PCDH11X: variants seen among roughly 807,000 people sequenced by gnomAD.
The protein encoded by PCDH11X is protocadherin 11 X-linked.
PCDH11X carries 18 observed loss-of-function variants against 53.3 expected under a neutral mutation model. The ratio of observed to expected loss-of-function variants is 0.34; its 90% CI spans 0.23 to 0.50. The LOEUF is 0.50. PCDH11X is among the 20% of genes least tolerant of loss of function. The pLI is 0.98. For synonymous variants in PCDH11X, 279 were observed against 393.3 expected, an observed-to-expected ratio of 0.71 and a Z score of 3.44; for missense variants, 570 against 1,032.4, an observed-to-expected ratio of 0.55 and a Z score of 6.14.
Position 92,073,673 on chromosome X carries a change from AG to A in PCDH11X, c.3034-127700del, listed in dbSNP as rs756333343. Among the ~76,000 whole-genome samples the A allele has an allele frequency of 8.0e-5, 9 of 112,560 alleles. No individual in the cohort carries two copies. In the East Asian group the frequency reaches 2.5e-3, roughly 32 times the overall value. ...ATGCAGGATAGATTTTCAGATGAATAGGTAACTGATGGTCATTGTTGAATGG... is the reference window on the plus strand; with the variant it reads ...ATGCAGGATAGATTTTCAGATGAATAGTAACTGATGGTCATTGTTGAATGG... On this transcript the variant is annotated intron_variant, in intron 6 of 10. Coordinates refer to ENST00000682573, the MANE Select transcript of PCDH11X (RefSeq NM_032968.5).
intron 9 of PCDH11X, among the ~76,000 whole-genome samples, chrX:92,443,996 A>G (rs2072572959): frequency 9.0e-6 from 1 of 110,663 alleles, no homozygotes; most frequent in Non-Finnish European, 1.9e-5. Context: ...AGCTTAACAT[A>G]GCTTTTGCTA....
chrX:92,463,023 T>C (rs1356142998), intron 9 of PCDH11X, among the ~76,000 whole-genome samples: 8 of 109,697 alleles, frequency 7.3e-5, no homozygotes, highest in Non-Finnish European at 3.8e-5. Flanking sequence ...AGAATTATTC[T>C]TTTAATTTTA....
chrX:92,598,267 A>G lies in PCDH11X; in HGVS notation c.3368-19997A>G, dbSNP rs188580962. Among the ~76,000 whole-genome samples, 21 of 111,013 alleles carry G rather than the reference A, an allele frequency of 1.9e-4. No individual in the cohort carries two copies. In the East Asian group the frequency reaches 6.0e-3, roughly 32 times the overall value. On this transcript the variant is annotated intron_variant, in intron 10 of 10. Coordinates refer to ENST00000682573, the MANE Select transcript of PCDH11X (RefSeq NM_032968.5). ...AGAGACAACCCACAGAATGGAAGAA[A>G]ATATTTGCAAATTACCCCCCAGACA...
intron 6 of PCDH11X, among the ~76,000 whole-genome samples, chrX:92,171,920 G>C (rs1356466506): frequency 9.0e-6 from 1 of 111,651 alleles, no homozygotes; most frequent in Non-Finnish European, 1.9e-5. Context: ...CAGTGTACAA[G>C]CTTTGCCCTT....
In PCDH11X at chrX:92,342,632, A is replaced by G. The variant is rs181787964; in HGVS notation, c.3145-45103A>G. Among the ~76,000 whole-genome samples, 84 of 111,864 alleles carry G rather than the reference A, an allele frequency of 7.5e-4. 1 individual carries two copies. The highest frequency in any genetic ancestry group is 2.5e-3 in the African/African-American group (76 of 30,827). On this transcript the variant is annotated intron_variant, in intron 8 of 10. Coordinates refer to ENST00000682573, the MANE Select transcript of PCDH11X (RefSeq NM_032968.5). ...ATCCAAATACTGCATGTTCTCACTT[A>G]TAAGTGGGAGGTAAACATTGATGGA... is the stretch of plus-strand genomic sequence containing the variant.
At chrX:92,170,081 A>G (rs1265735148) in intron 6 of PCDH11X, among the ~76,000 whole-genome samples, 3 of 110,871 alleles carry the variant, frequency 2.7e-5, no homozygotes, top group Non-Finnish European at 5.7e-5. Flanking sequence ...GTATAAAAAT[A>G]TGGAGATAGA....
In PCDH11X at chrX:92,161,575, G is replaced by A. The variant is rs769828366; in HGVS notation, c.3034-39800G>A. 1.1e-4 allele frequency among the ~76,000 whole-genome samples: 12 copies of A among 109,407 alleles called. No homozygotes were observed. In the South Asian group the frequency reaches 2.3e-3, roughly 21 times the overall value. ...GAATGTCTAGGTCTCTAGCAAGGCC[G>A]GGGAAGTTTTCCTCAATTAGTCCCC... On this transcript the variant is annotated intron_variant, in intron 6 of 10. Transcript: ENST00000682573.
At chrX:92,482,191 T>C (rs2073522797) in intron 10 of PCDH11X, among the ~76,000 whole-genome samples, 1 of 111,493 alleles carries the variant, frequency 9.0e-6, no homozygotes, top group Admixed American at 9.6e-5. Context: ...CAATAGCAAC[T>C]ATCACAAATA....
In PCDH11X at chrX:92,618,398, G is replaced by A; in HGVS notation, c.3502G>A (p.Ala1168Thr). 1 of 1,211,230 alleles carries A rather than the reference G, an allele frequency of 8.3e-7. No homozygotes were observed. Among genetic ancestry groups the A allele is most frequent in the Admixed American group, 2.2e-5 (1 of 46,010 alleles). ...LDHSSSSQAQ[A>T]SALCHSPPLS... ...TCATTCCAGCTCTTCGCAAGCACAG[G>A]CCTCTGCTCTATGCCACAGCCCACC... The change falls in exon 11 of 11, where the codon GCC becomes ACC. Residue 1168 changes from alanine to threonine, a missense_variant. Transcript: ENST00000682573.
At chrX:92,103,691 A>G (rs186536304) in intron 6 of PCDH11X, among the ~76,000 whole-genome samples, 2 of 112,269 alleles carry the variant, frequency 1.8e-5, no homozygotes, top group Admixed American at 9.4e-5. Flanking sequence ...GATTTCCGGC[A>G]TGTGTAACAA....
intron 7 of PCDH11X, among the ~76,000 whole-genome samples, chrX:92,257,206 A>G (rs780660574): frequency 9.0e-6 from 1 of 111,313 alleles, no homozygotes; most frequent in Non-Finnish European, 1.9e-5. Context: ...ATAACTCACT[A>G]TCATGAGAGT....
chrX:92,407,690 G>A (rs1008136188), intron 9 of PCDH11X, among the ~76,000 whole-genome samples: 3 of 107,957 alleles, frequency 2.8e-5, no homozygotes, highest in African/African-American at 1.0e-4. Context: ...TATGTGTATG[G>A]CATGTGTCAT....
At position 92,042,265 on chromosome X, in the gene PCDH11X, G is replaced by A. The variant is rs879018521; in HGVS notation, c.3034-159110G>A. Among the ~76,000 whole-genome samples, 5 of 109,081 alleles carry A rather than the reference G, an allele frequency of 4.6e-5. 1 individual carries two copies. Among genetic ancestry groups the A allele is most frequent in the African/African-American group, 1.0e-4 (3 of 29,973 alleles). The allele number at this position is 109,081 out of a possible 115,157, so 94.7% of individuals were successfully genotyped here. ...CATGAAAGATAATGTCACATTCTTC[G>A]GTGAACAATCAGAAATCCTTGTCTT... is the stretch of plus-strand genomic sequence containing the variant. On this transcript the variant is annotated intron_variant, in intron 6 of 10. Coordinates refer to ENST00000682573, the MANE Select transcript of PCDH11X (RefSeq NM_032968.5).
intron 6 of PCDH11X, among the ~76,000 whole-genome samples, chrX:92,048,032 A>T (rs1380720372): frequency 1.8e-5 from 2 of 111,182 alleles, no homozygotes; most frequent in Non-Finnish European, 3.8e-5. Flanking sequence ...AGGCTAAAGT[A>T]ATGACATTTG....
At chrX:92,433,167 G>A (rs1284125254) in intron 9 of PCDH11X, among the ~76,000 whole-genome samples, 4 of 110,958 alleles carry the variant, frequency 3.6e-5, no homozygotes, top group Non-Finnish European at 7.6e-5. Flanking sequence ...TATTGTAATT[G>A]CTACTAGGGA....
intron 8 of PCDH11X, among the ~76,000 whole-genome samples, chrX:92,354,548 A>G (rs945777980): frequency 6.3e-5 from 7 of 111,035 alleles, no homozygotes; most frequent in African/African-American, 1.3e-4. Context: ...TTAGTTATGA[A>G]TTACCTGGAT....
At chrX:92,560,613 C>G (rs1249402640) in intron 10 of PCDH11X, among the ~76,000 whole-genome samples, 9 of 109,064 alleles carry the variant, frequency 8.3e-5, no homozygotes, top group Non-Finnish European at 1.3e-4. Flanking sequence ...CACAAGCTGA[C>G]TTGGTCTTTA....
At chrX:91,888,944 T>C (rs1940355477) in intron 6 of PCDH11X, among the ~76,000 whole-genome samples, 1 of 111,799 alleles carries the variant, frequency 8.9e-6, no homozygotes, top group African/African-American at 3.2e-5. Context: ...ATTTCAATGA[T>C]ATATTATAAC....
chrX:92,576,992 G>T (rs935796159), intron 10 of PCDH11X, among the ~76,000 whole-genome samples: 1 of 109,209 alleles, frequency 9.2e-6, no homozygotes, highest in African/African-American at 3.3e-5. Flanking sequence ...TTTCTTGCAG[G>T]GCAGTTCTGG....
Sources: gnomAD v4.1 joint callset for allele counts (sites outside exome capture counted in the v4.1 genomes callset) on GRCh38, gnomAD v4.1.1 for gene constraint, MANE v1.5 for transcripts, NCBI Gene and HGNC (gene_info 2026-07-23, HGNC 2026-07-21) for gene names.